Variants in DLC1 observed in about 807,000 individuals in gnomAD.
DLC1 encodes the protein rho GTPase-activating protein 7.
In DLC1, 54 loss-of-function variants were observed where a neutral mutation model predicts 140.3. The ratio of observed to expected loss-of-function variants is 0.38; its 90% CI spans 0.31 to 0.48. DLC1 has a LOEUF of 0.48. Ranked by LOEUF, DLC1 falls within the 20% of genes least tolerant of loss-of-function variation. The pLI, the probability that DLC1 is intolerant of heterozygous loss-of-function variation, is 0.96. For missense variants in DLC1, 2,536 were observed against 1,907.0 expected, an observed-to-expected ratio of 1.33 and a Z score of -6.14; for synonymous variants, 986 against 728.1, an observed-to-expected ratio of 1.35 and a Z score of -5.70.
chr8:13,194,367 C>A (rs949422173), intron 5 of DLC1, among the ~76,000 whole-genome samples: 25 of 152,298 alleles, frequency 1.6e-4, no homozygotes, highest in African/African-American at 6.0e-4. Flanking sequence ...ATCCCCTGCC[C>A]TTTACACATA....
At chr8:13,413,256 A>ATTTTGTTTTTTTTTTTTTTT (rs1837875734) in intron 2 of DLC1, among the ~76,000 whole-genome samples, 1 of 82,006 alleles carries the variant, frequency 1.2e-5, no homozygotes, top group Non-Finnish European at 2.3e-5. Flanking sequence ...TTTTTTTGCG[A>ATTTTGTTTTTTTTTTTTTTT]TTTTTTTTTT....
At chr8:13,568,575 C>T (rs534580091) in intron 1 of DLC1, among the ~76,000 whole-genome samples, 4 of 91,186 alleles carry the variant, frequency 4.4e-5, no homozygotes, top group African/African-American at 7.3e-5. Context: ...GATTGTCAAG[C>T]GTTTTTGGAA....
chr8:13,422,727 A>G (rs1043171383), intron 2 of DLC1, among the ~76,000 whole-genome samples: 2 of 152,092 alleles, frequency 1.3e-5, no homozygotes, highest in African/African-American at 2.4e-5. Flanking sequence ...TATAGTATAC[A>G]CAAGAGATAA....
intron 2 of DLC1, among the ~76,000 whole-genome samples, chr8:13,438,022 CTTT>C (rs11355863): frequency 1.4e-5 from 2 of 142,302 alleles, no homozygotes; most frequent in Non-Finnish European, 1.5e-5. Context: ...TGATCTACCT[CTTT>C]TTTTTTTTTT....
chr8:13,194,924 G>A (rs1826961685), intron 5 of DLC1, among the ~76,000 whole-genome samples: 1 of 152,138 alleles, frequency 6.6e-6, no homozygotes, highest in Non-Finnish European at 1.5e-5. Flanking sequence ...GCGGGAGGAT[G>A]GATTGTGCCC....
intron 5 of DLC1, among the ~76,000 whole-genome samples, chr8:13,157,188 C>G (rs1057346203): frequency 2.5e-4 from 38 of 152,180 alleles, no homozygotes; most frequent in African/African-American, 8.7e-4. Flanking sequence ...CCCAGTGAAA[C>G]TATCTTTTTC....
chr8:13,453,552 ATATATTTTTTTTT>A (rs1238097346), intron 2 of DLC1, among the ~76,000 whole-genome samples: 5 of 75,782 alleles, frequency 6.6e-5, no homozygotes, highest in African/African-American at 4.0e-4. Flanking sequence ...ATATATATAT[ATATATTTTTTTTT>A]TTTTTTTTTC....
chr8:13,091,490 G>C, intron 13 of DLC1, 58 bp from the exon 14 acceptor site: 1 of 1,487,398 alleles, frequency 6.7e-7, no homozygotes, highest in East Asian at 2.3e-5. Flanking sequence ...TTTTCTTCAA[G>C]GTATTATTCA....
At chr8:13,450,595 T>G (rs960723581) in intron 2 of DLC1, among the ~76,000 whole-genome samples, 2 of 152,200 alleles carry the variant, frequency 1.3e-5, no homozygotes, top group African/African-American at 4.8e-5. Flanking sequence ...AATTGTATTC[T>G]TTATTTTCTC....
chr8:13,441,462 A>G (rs960852919), intron 2 of DLC1, among the ~76,000 whole-genome samples: 3 of 152,240 alleles, frequency 2.0e-5, no homozygotes, highest in Non-Finnish European at 2.9e-5. Flanking sequence ...AGAAAACCGC[A>G]TCGTCACAGC....
chr8:13,445,244 G>T (rs940395133), intron 2 of DLC1, among the ~76,000 whole-genome samples: 1 of 152,238 alleles, frequency 6.6e-6, no homozygotes, highest in Non-Finnish European at 1.5e-5. Context: ...TCAGTGGGCA[G>T]TTGGCCACAG....
intron 5 of DLC1, among the ~76,000 whole-genome samples, chr8:13,217,857 A>C (rs1031403007): frequency 1.5e-4 from 23 of 151,414 alleles, no homozygotes; most frequent in Admixed American, 3.9e-4. Context: ...ACAACAACAA[A>C]AAAAAACCAA....
At chr8:13,406,804 A>T (rs1837585117) in intron 2 of DLC1, among the ~76,000 whole-genome samples, 1 of 152,212 alleles carries the variant, frequency 6.6e-6, no homozygotes, top group Non-Finnish European at 1.5e-5. Context: ...CAGACTAAGA[A>T]TTTAGTGCCT....
intron 4 of DLC1, among the ~76,000 whole-genome samples, chr8:13,337,254 T>C (rs2116967577): frequency 6.6e-6 from 1 of 152,320 alleles, no homozygotes; most frequent in Non-Finnish European, 1.5e-5. Context: ...ACACATTAGA[T>C]TTGGCAGTGT....
chr8:13,515,965 A>T (rs1802573073), upstream of DLC1, among the ~76,000 whole-genome samples: 1 of 152,182 alleles, frequency 6.6e-6, no homozygotes, highest in Non-Finnish European at 1.5e-5. Context: ...AGAATGTGGA[A>T]GGAAAGAAGA....
intron 2 of DLC1, among the ~76,000 whole-genome samples, chr8:13,492,490 TA>T (rs1563394438): frequency 5.4e-4 from 82 of 151,272 alleles, no homozygotes; most frequent in Non-Finnish European, 9.1e-4. Flanking sequence ...TTCTATCACT[TA>T]CTCTCTCTGT....
chr8:13,511,594 T>C (rs1802368367), intron 1 of DLC1, among the ~76,000 whole-genome samples: 1 of 152,190 alleles, frequency 6.6e-6, no homozygotes, highest in African/African-American at 2.4e-5. Context: ...TCTGTAACTC[T>C]GTTTGGTCTA....
intron 6 of DLC1, among the ~76,000 whole-genome samples, chr8:13,111,701 T>C (rs1326745585): frequency 6.6e-6 from 1 of 151,646 alleles, no homozygotes; most frequent in African/African-American, 2.4e-5. Flanking sequence ...CCTCTTGGAG[T>C]CCCAACTATG....
chr8:13,516,875 A>G (rs1288619792), upstream of DLC1, among the ~76,000 whole-genome samples: 1 of 152,170 alleles, frequency 6.6e-6, no homozygotes, highest in Non-Finnish European at 1.5e-5. Context: ...CAGTCAAATG[A>G]TACAAAGTGC....
Sources: allele counts gnomAD v4.1 joint callset (sites outside exome capture counted in the v4.1 genomes callset), GRCh38; gene constraint gnomAD v4.1.1; transcripts MANE v1.5; gene names NCBI Gene and HGNC (gene_info 2026-07-23, HGNC 2026-07-21).